Variants in CPNE6 observed in about 807,000 individuals in gnomAD.
CPNE6 encodes the protein copine-6.
In CPNE6, 33 loss-of-function variants were observed where a neutral mutation model predicts 71.5. The observed-to-expected ratio is 0.46, with a 90% CI of 0.35 to 0.62. The LOEUF (loss-of-function observed/expected upper bound fraction) is 0.62, where lower values mean the gene tolerates loss of function less well. Among genes scored for constraint, CPNE6 ranks in the 20% least tolerant of loss-of-function variants. The pLI, the probability that CPNE6 is intolerant of heterozygous loss-of-function variation, is 0.00. For synonymous variants in CPNE6, 296 were observed against 293.0 expected (o/e 1.01, Z -0.10); for missense variants, 576 against 747.3 (o/e 0.77, Z 2.67).
chr14:24,072,750 G>GAC, intron 2 of CPNE6, 183 bp from the exon 2 acceptor site: 1 of 469,578 alleles, frequency 2.1e-6, no homozygotes, highest in Non-Finnish European at 3.6e-6. Context: ...GGAGTGGGAG[G>GAC]CTCAGGTCCT....
rs767218635 is a variant in CPNE6 at position 24,073,068 on chromosome 14, G to A, written c.132G>A (p.Val44=). Residue 44 remains valine (V), a synonymous_variant, in exon 3 of 18, where the codon GTG becomes GTA. Coordinates refer to ENST00000397016, the Ensembl canonical transcript of CPNE6. The surrounding 1 kb of genome is among the most constrained non-coding windows in gnomAD (Gnocchi z 5.5). ...CACTCACCAAACCCCACCCCTGCGT[G>A]CTGCTCAAGCTCTACTCTGATGAGC... The A allele has an allele frequency of 1.3e-6, 2 of 1,522,108 alleles. No homozygotes were observed. Among genetic ancestry groups the A allele is most frequent in the Non-Finnish European group, 8.8e-7 (1 of 1,136,930 alleles). 94.3% of individuals were successfully genotyped at this position (1,522,108 alleles called of 1,614,324 possible).
exon 18 of CPNE6, chr14:24,078,008 C>A: frequency 2.9e-6 from 1 of 347,340 alleles, no homozygotes; most frequent in Non-Finnish European, 5.2e-6. Flanking sequence ...ACCCCATACC[C>A]TTCAATGCTG....
rs1187522260 is a variant in CPNE6 at position 24,073,711 on chromosome 14, C to A, written c.348+33C>A. On this transcript the variant is annotated intron_variant, in intron 4 of 17. Transcript: ENST00000397016. The surrounding 1 kb of genome is among the most constrained non-coding windows in gnomAD (Gnocchi z 5.5). ...TTCCCGGCCTCCCCGGCTACCCTAC[C>A]CTACCTCCATCAGCTTTGCCTCTGG... is the stretch of plus-strand genomic sequence containing the variant. The A allele has an allele frequency of 3.1e-6, 5 of 1,591,598 alleles. No homozygotes were observed. The highest frequency in any genetic ancestry group is 2.3e-5 in the South Asian group (2 of 88,314).
rs780849570 is a variant in CPNE6, at chr14:24,077,211, C to T, written c.1357C>T (p.Arg453Cys). 1.3e-5 allele frequency: 21 copies of T among 1,611,420 alleles called. No individual in the cohort carries two copies. The highest frequency in any genetic ancestry group is 1.6e-4 in the Middle Eastern group (1 of 6,082). Residue 453 changes from arginine (R) to cysteine (C), a missense_variant, in exon 16 of 18, where the codon CGC becomes TGC. This residue lies in a region of CPNE6 where 264 missense variants were observed against 339.9 expected (regional missense o/e 0.78). Coordinates refer to ENST00000397016, the Ensembl canonical transcript of CPNE6. This position sits in a 1 kb window ranked among gnomAD's most constrained non-coding sequence, Gnocchi z 6.1. ...TGTGGTGAGCGACATGGCTGAGACT[C>T]GCACTGCTATCGTGCGTGCCTCCCG...
rs569571292 is a variant in CPNE6, at chr14:24,074,621, G to A, written c.582+7G>A. 55 of 1,613,988 alleles carry A rather than the reference G, an allele frequency of 3.4e-5. No homozygotes were observed. The highest frequency in any genetic ancestry group is 3.9e-5 in the Non-Finnish European group (46 of 1,179,976). On this transcript the variant is annotated splice_region_variant and intron_variant, in intron 7 of 17. Transcript: ENST00000397016. This position sits in a 1 kb window ranked among gnomAD's most constrained non-coding sequence, Gnocchi z 4.5. ...GCTGGTCTGGAGAACTGAGGTTGGT[G>A]CCTGGGGCTATGGGGATGAAGGGAG...
At position 24,074,494 on chromosome 14, in the gene CPNE6, T is replaced by C; in HGVS notation, c.499-37T>C. The C allele has an allele frequency of 6.2e-7, 1 of 1,604,104 alleles. No individual in the cohort carries two copies. The highest frequency in any genetic ancestry group is 8.5e-7 in the Non-Finnish European group (1 of 1,171,130). On this transcript the variant is annotated intron_variant, in intron 6 of 17. Transcript: ENST00000397016. This position sits in a 1 kb window ranked among gnomAD's most constrained non-coding sequence, Gnocchi z 4.5. The stretch of plus-strand genomic sequence containing the variant: ...CCATCCCCCACCCTCCTTGCAGCTC[T>C]CACCAACCTCAAGGGCCCTTTCTCC...
Position 24,077,729 on chromosome 14 carries a change from G to T in CPNE6, c.1673G>T (p.Ter558LeuextTer65). 6.6e-7 allele frequency: 1 copy of T among 1,521,236 alleles called. No homozygotes were observed. The allele number at this position is 1,521,236 out of a possible 1,614,324, so 94.2% of individuals were successfully genotyped here. ...GCTACGACTCCCAGCCCTAGCCCGT[G>T]ACTGCCTCCCTCCGGACCGACACTC... Residue 558 changes from the stop codon to leucine (L), a stop_lost, in exon 17 of 18, where the codon TGA (stop) becomes TTA (leucine). Transcript: ENST00000397016. This position sits in a 1 kb window ranked among gnomAD's most constrained non-coding sequence, Gnocchi z 6.1.
Position 24,075,976 on chromosome 14 carries a change from T to C in CPNE6, c.924+90T>C. 5 of 1,549,118 alleles carry C rather than the reference T, an allele frequency of 3.2e-6. No individual in the cohort carries two copies. Among genetic ancestry groups the C allele is most frequent in the South Asian group, 1.1e-5 (1 of 88,690 alleles). Reference sequence around the variant, plus strand: ...AGCCCAGAATCTCCACTGCCCCAACTTGGGCTGCTCATGAGCCTTCGCATT... The same window carrying C: ...AGCCCAGAATCTCCACTGCCCCAACCTGGGCTGCTCATGAGCCTTCGCATT... On this transcript the variant is annotated intron_variant, in intron 11 of 17. Coordinates refer to ENST00000397016, the Ensembl canonical transcript of CPNE6. The surrounding 1 kb of genome is among the most constrained non-coding windows in gnomAD (Gnocchi z 4.3).
chr14:24,075,378 T>C lies in CPNE6; in HGVS notation c.777+102T>C. 7.2e-7 allele frequency: 1 copy of C among 1,387,846 alleles called. No homozygotes were observed. The highest frequency in any genetic ancestry group is 1.0e-6 in the Non-Finnish European group (1 of 977,440). 86.0% of individuals were successfully genotyped at this position (1,387,846 alleles called of 1,614,324 possible). On this transcript the variant is annotated intron_variant, in intron 9 of 17. Coordinates refer to ENST00000397016, the Ensembl canonical transcript of CPNE6. The surrounding 1 kb of genome is among the most constrained non-coding windows in gnomAD (Gnocchi z 4.3). ...CATAGGTGATAGGAAGTGGAGAGGGTGGAAAGCACCTGGGCTCAGCTGAAG... is the reference window on the plus strand; with the variant it reads ...CATAGGTGATAGGAAGTGGAGAGGGCGGAAAGCACCTGGGCTCAGCTGAAG...
intron 1 of CPNE6, 85 bp from the exon 1 acceptor site, chr14:24,071,477 C>T (rs2035894308): frequency 6.5e-7 from 1 of 1,527,254 alleles, no homozygotes; most frequent in Non-Finnish European, 8.8e-7. Context: ...CCCAATCCAT[C>T]CACGCGGGGG....
intron 1 of CPNE6, 110 bp from the exon 1 acceptor site, chr14:24,071,452 T>A: frequency 6.7e-7 from 1 of 1,493,978 alleles, no homozygotes. Context: ...GCCCTGCCCC[T>A]TCCCTCTTCT....
At position 24,075,991 on chromosome 14, in the gene CPNE6, G is replaced by A; in HGVS notation, c.924+105G>A. The A allele has an allele frequency of 6.6e-7, 1 of 1,522,076 alleles. No homozygotes were observed. 94.3% of individuals were successfully genotyped at this position (1,522,076 alleles called of 1,614,324 possible). A position where few individuals can be genotyped will look rare whatever the true frequency, so the allele number is the denominator to read the frequency against. Reference sequence around the variant, plus strand: ...CTGCCCCAACTTGGGCTGCTCATGAGCCTTCGCATTGTCAGCTTATGCACC... The same window carrying A: ...CTGCCCCAACTTGGGCTGCTCATGAACCTTCGCATTGTCAGCTTATGCACC... On this transcript the variant is annotated intron_variant, in intron 11 of 17. Coordinates refer to ENST00000397016, the Ensembl canonical transcript of CPNE6. This position sits in a 1 kb window ranked among gnomAD's most constrained non-coding sequence, Gnocchi z 4.3.
chr14:24,071,308 G>A (rs1003188278), intron 1 of CPNE6: 7 of 1,408,946 alleles, frequency 5.0e-6, no homozygotes, highest in African/African-American at 2.9e-5. Context: ...TGCAATGTGC[G>A]CATCTCTGCG....
At position 24,075,079 on chromosome 14, in the gene CPNE6, G is replaced by T; in HGVS notation, c.673-93G>T. ...TGGGCATGGAGACTCTAAGGCCCAA[G>T]TCCCCCTACTCCAAGTCCCCGAGTC... On this transcript the variant is annotated intron_variant, in intron 8 of 17. Coordinates refer to ENST00000397016, the Ensembl canonical transcript of CPNE6. This position sits in a 1 kb window ranked among gnomAD's most constrained non-coding sequence, Gnocchi z 4.3. 1 of 920,826 alleles carries T rather than the reference G, an allele frequency of 1.1e-6. No individual in the cohort carries two copies. 57.0% of individuals were successfully genotyped at this position (920,826 alleles called of 1,614,324 possible).
Position 24,077,458 on chromosome 14 carries a change from G to A in CPNE6, c.1536+68G>A, listed in dbSNP as rs755735496. The A allele has an allele frequency of 3.8e-6, 6 of 1,576,974 alleles. No homozygotes were observed. The highest frequency in any genetic ancestry group is 3.3e-4 in the Middle Eastern group (2 of 6,016). On this transcript the variant is annotated intron_variant, in intron 16 of 17. Coordinates refer to ENST00000397016, the Ensembl canonical transcript of CPNE6. The surrounding 1 kb of genome is among the most constrained non-coding windows in gnomAD (Gnocchi z 6.1). Reference sequence around the variant, plus strand: ...TCTCATCCCCCCAAATCTGACCTTCGTCTTCCACCATTTGATGTCCTGCTA... The same window carrying A: ...TCTCATCCCCCCAAATCTGACCTTCATCTTCCACCATTTGATGTCCTGCTA...
Position 24,075,099 on chromosome 14 carries a change from C to A in CPNE6, c.673-73C>A, listed in dbSNP as rs552239001. ...CCCAAGTCCCCCTACTCCAAGTCCC[C>A]GAGTCCCCCTACTCACCGTGAATAC... is the stretch of plus-strand genomic sequence containing the variant. On this transcript the variant is annotated intron_variant, in intron 8 of 17. Transcript: ENST00000397016. The surrounding 1 kb of genome is among the most constrained non-coding windows in gnomAD (Gnocchi z 4.3). 3.1e-5 allele frequency: 34 copies of A among 1,094,010 alleles called. No individual in the cohort carries two copies. Among genetic ancestry groups the A allele is most frequent in the Non-Finnish European group, 4.8e-5 (34 of 708,154 alleles). The allele number at this position is 1,094,010 out of a possible 1,614,324, so 67.8% of individuals were successfully genotyped here.
Position 24,075,294 on chromosome 14 carries a change from C to A in CPNE6, c.777+18C>A, listed in dbSNP as rs759134968. ...GGCAGGAGGTGCCACAAATACCCCACCCCCAGAATCCCACCCAGATCCCTG... is the reference window on the plus strand; with the variant it reads ...GGCAGGAGGTGCCACAAATACCCCAACCCCAGAATCCCACCCAGATCCCTG... On this transcript the variant is annotated intron_variant, in intron 9 of 17. Transcript: ENST00000397016. This position sits in a 1 kb window ranked among gnomAD's most constrained non-coding sequence, Gnocchi z 4.3. 12 of 1,584,252 alleles carry A rather than the reference C, an allele frequency of 7.6e-6. No individual in the cohort carries two copies. Among genetic ancestry groups the A allele is most frequent in the East Asian group, 2.2e-5 (1 of 44,750 alleles).
At chr14:24,072,489 T>G (rs1444321638) in intron 2 of CPNE6, 1 of 156,306 alleles carries the variant, frequency 6.4e-6, no homozygotes, top group African/African-American at 2.4e-5. Context: ...CCCATCCTCT[T>G]CAGAACTCCA....
intron 2 of CPNE6, 81 bp from the exon 2 acceptor site, chr14:24,072,851 GC>G: frequency 2.3e-6 from 3 of 1,283,544 alleles, no homozygotes; most frequent in South Asian, 1.9e-5. Flanking sequence ...AAGGGGTGGG[GC>G]CCAGGGACCC....
Sources: gnomAD v4.1 joint callset for allele counts on GRCh38, gnomAD v4.1.1 for gene constraint, gnomAD v4.1.1 regional missense constraint, Gnocchi (gnomAD v3.1) non-coding constraint, MANE v1.5 for transcripts, NCBI Gene and HGNC (gene_info 2026-07-23, HGNC 2026-07-21) for gene names.